CAST: variants seen among roughly 807,000 people sequenced by gnomAD.
CAST encodes calpastatin.
Under a neutral mutation model 119.6 loss-of-function variants are expected in CAST, and 76 were observed. The ratio of observed to expected loss-of-function variants is 0.64; its 90% CI spans 0.53 to 0.77. The LOEUF (loss-of-function observed/expected upper bound fraction) is 0.77. CAST is among the 30% of genes least tolerant of loss of function. The pLI, the probability that CAST is intolerant of heterozygous loss-of-function variation, is 0.00. For synonymous variants in CAST, 319 were observed against 331.6 expected (o/e 0.96, Z 0.41); for missense variants, 953 against 946.5 (o/e 1.01, Z -0.09).
At chr5:96,614,721 C>G (rs1431681930) in intron 1 of CAST, among the ~76,000 whole-genome samples, 1 of 147,760 alleles carries the variant, frequency 6.8e-6, no homozygotes, top group Non-Finnish European at 1.5e-5. Context: ...GCCAGATTAC[C>G]CCTCTTCCTC....
intron 1 of CAST, among the ~76,000 whole-genome samples, chr5:96,575,650 T>G (rs908374079): frequency 3.3e-5 from 5 of 150,030 alleles, no homozygotes; most frequent in Non-Finnish European, 5.9e-5. Context: ...TGTTTTTTGT[T>G]TTTTTTTTTT....
chr5:96,241,604 G>T, the CAST span, among the ~76,000 whole-genome samples: 280 of 144,922 alleles, frequency 1.9e-3, 3 homozygotes, highest in Non-Finnish European at 2.7e-3. Context: ...GGGTCAAATG[G>T]TATTTCTAGT....
chr5:96,405,875 A>G, the CAST span, among the ~76,000 whole-genome samples: 1 of 152,224 alleles, frequency 6.6e-6, no homozygotes, highest in Non-Finnish European at 1.5e-5. Flanking sequence ...ACGGCTAGTT[A>G]TATTTACATG....
the CAST span, among the ~76,000 whole-genome samples, chr5:96,311,494 A>G: frequency 6.6e-6 from 1 of 152,008 alleles, no homozygotes; most frequent in Admixed American, 6.6e-5. Flanking sequence ...AAAGTGTTGT[A>G]TTGAAGTCTC....
At chr5:96,423,574 T>G in the CAST span, 1 of 922,276 alleles carries the variant, frequency 1.1e-6, no homozygotes, top group Non-Finnish European at 1.7e-6. Flanking sequence ...CACTCTACTC[T>G]TTAGAAGAAG....
chr5:96,440,358 C>T, the CAST span, among the ~76,000 whole-genome samples: 5 of 152,110 alleles, frequency 3.3e-5, no homozygotes, highest in East Asian at 3.9e-4. Flanking sequence ...CTGCTGTAGA[C>T]TTGTACCTCT....
intron 1 of CAST, among the ~76,000 whole-genome samples, chr5:96,618,040 T>G (rs903929584): frequency 7.9e-5 from 12 of 151,966 alleles, no homozygotes; most frequent in African/African-American, 2.9e-4. Context: ...TCTAGGGGTG[T>G]TAACTGAGGG....
intron 1 of CAST, among the ~76,000 whole-genome samples, chr5:96,599,385 GTTTC>G (rs1423988548): frequency 2.0e-5 from 3 of 152,094 alleles, no homozygotes; most frequent in African/African-American, 4.8e-5. Context: ...GAAAATATCT[GTTTC>G]TTTATTTTCT....
intron 1 of CAST, among the ~76,000 whole-genome samples, chr5:96,588,144 G>C (rs747834477): frequency 6.7e-6 from 1 of 148,666 alleles, no homozygotes; most frequent in Non-Finnish European, 1.5e-5. Context: ...AATTAATATG[G>C]ATGTTATAAG....
At chr5:96,382,106 A>G in the CAST span, among the ~76,000 whole-genome samples, 1 of 152,160 alleles carries the variant, frequency 6.6e-6, no homozygotes, top group Non-Finnish European at 1.5e-5. Flanking sequence ...ATACAGAAAG[A>G]TATTTCACTG....
At chr5:96,270,207 A>G in the CAST span, among the ~76,000 whole-genome samples, 2 of 152,100 alleles carry the variant, frequency 1.3e-5, no homozygotes, top group African/African-American at 4.8e-5. Flanking sequence ...TATGACAAAA[A>G]CCCCCAACAA....
the CAST span, among the ~76,000 whole-genome samples, chr5:96,250,425 G>A: frequency 0.014 from 2,173 of 152,134 alleles, 38 homozygotes; most frequent in South Asian, 0.081. Flanking sequence ...CACTCCAGTT[G>A]TTGTGTTCCC....
the CAST span, among the ~76,000 whole-genome samples, chr5:96,064,802 T>C: frequency 6.6e-6 from 1 of 152,192 alleles, no homozygotes; most frequent in Non-Finnish European, 1.5e-5. Context: ...AATTCCCTTT[T>C]CTGGGAATTG....
chr5:96,062,076 T>G, the CAST span, among the ~76,000 whole-genome samples: 1 of 152,154 alleles, frequency 6.6e-6, no homozygotes, highest in Admixed American at 6.6e-5. Flanking sequence ...GGATGTGGGT[T>G]TTCCTTACCT....
intron 1 of CAST, among the ~76,000 whole-genome samples, chr5:96,631,705 T>C (rs1747821421): frequency 6.6e-6 from 1 of 151,562 alleles, no homozygotes; most frequent in African/African-American, 2.4e-5. Context: ...GATAATTTTT[T>C]GTATTTTTAG....
At chr5:95,986,262 A>C in the CAST span, 3 of 152,256 alleles carry the variant, frequency 2.0e-5, no homozygotes, top group Non-Finnish European at 2.9e-5. Context: ...GAACATACGC[A>C]GTCTCCTCAT....
At chr5:96,434,895 T>A in the CAST span, among the ~76,000 whole-genome samples, 1 of 152,234 alleles carries the variant, frequency 6.6e-6, no homozygotes, top group South Asian at 2.1e-4. Context: ...CCAATGTTAA[T>A]AAGCCATGTG....
At chr5:96,332,099 AAG>A in the CAST span, among the ~76,000 whole-genome samples, 1 of 152,214 alleles carries the variant, frequency 6.6e-6, no homozygotes. Flanking sequence ...CCAGTTGTAA[AAG>A]AGGAAAATCA....
At position 96,746,395 on chromosome 5, in the gene CAST, C is replaced by T. The variant is rs373050805; in HGVS notation, c.1254C>T (p.Ile418=). 9 of 1,610,940 alleles carry T rather than the reference C, an allele frequency of 5.6e-6. No homozygotes were observed. The African/African-American group carries it at 1.1e-4, about 19-fold the overall frequency. Residue 418 remains isoleucine (I), a synonymous_variant, in exon 17 of 32, where the codon ATC becomes ATT. Transcript: ENST00000675179. ...LEKCGEDDET[I]PSEYRLKPAT... is the part of the protein sequence containing the mutation. The stretch of plus-strand genomic sequence containing the variant: ...AGTGTGGTGAGGATGATGAAACAAT[C>T]CCATCTGAGTACAGATTAAAACCAG...
Sources: allele counts gnomAD v4.1 joint callset (sites outside exome capture counted in the v4.1 genomes callset), GRCh38; gene constraint gnomAD v4.1.1; transcripts MANE v1.5; gene names NCBI Gene and HGNC (gene_info 2026-07-23, HGNC 2026-07-21).